ADAMTSL2: variants seen among roughly 807,000 people sequenced by gnomAD.
The protein encoded by ADAMTSL2 is ADAMTS-like protein 2.
In ADAMTSL2, 55 loss-of-function variants were observed where a neutral mutation model predicts 117.0. The ratio of observed to expected loss-of-function variants is 0.47; its 90% confidence interval spans 0.38 to 0.59. The LOEUF (loss-of-function observed/expected upper bound fraction) is 0.59, where lower values mean the gene tolerates loss of function less well. ADAMTSL2 is among the 20% of genes least tolerant of loss of function. The pLI is 0.00. For synonymous variants in ADAMTSL2, 572 were observed against 566.4 expected (o/e 1.01, Z -0.14); for missense variants, 1,182 against 1,354.5 (o/e 0.87, Z 2.00).
Position 133,574,902 on chromosome 9 carries a change from C to G in ADAMTSL2, c.*38C>G. 1 of 1,545,314 alleles carries G rather than the reference C, an allele frequency of 6.5e-7. No homozygotes were observed. Among genetic ancestry groups the G allele is most frequent in the South Asian group, 1.1e-5 (1 of 89,788 alleles). On this transcript the variant is annotated 3_prime_UTR_variant, in exon 19 of 19. Coordinates refer to ENST00000651351, the MANE Select transcript of ADAMTSL2 (RefSeq NM_014694.4). The stretch of plus-strand genomic sequence containing the variant: ...CAGCCCCTTCCAGATGAAGACCAAG[C>G]GCCCCTCCTGGGGCTGCTGCAGCTT...
At chr9:133,534,550 C>G, upstream of ADAMTSL2, 1 of 896,466 alleles carries the variant, frequency 1.1e-6, no homozygotes, top group South Asian at 5.8e-5. Context: ...CAACAGGCAG[C>G]TGGGCCGGCC....
intron 9 of ADAMTSL2, among the ~76,000 whole-genome samples, chr9:133,548,492 G>T (rs1297824448): frequency 6.6e-6 from 1 of 152,148 alleles, no homozygotes; most frequent in African/African-American, 2.4e-5. Flanking sequence ...AGACTCTGAG[G>T]TGGGGGTTTG....
In ADAMTSL2 at chr9:133,558,052, CG is replaced by C. The variant is rs1328852637; in HGVS notation, c.1649+2123del. Among the ~76,000 whole-genome samples, 10 of 152,250 alleles carry C rather than the reference CG, an allele frequency of 6.6e-5. No individual in the cohort carries two copies. The highest frequency in any genetic ancestry group is 2.4e-4 in the African/African-American group (10 of 41,536). ...GGCACAAGCTTACGGATCCTCAAGCCGCTTTGTAAAGAGTCTCTCCTGCCCC... is the reference window on the plus strand; with the variant it reads ...GGCACAAGCTTACGGATCCTCAAGCCCTTTGTAAAGAGTCTCTCCTGCCCC... On this transcript the variant is annotated intron_variant, in intron 11 of 18. Coordinates refer to ENST00000651351, the MANE Select transcript of ADAMTSL2 (RefSeq NM_014694.4). The surrounding 1 kb of genome is among the most constrained non-coding windows in gnomAD (Gnocchi z 4.3).
chr9:133,574,647 C>T (rs1831185557), intron 18 of ADAMTSL2, 99 bp from the exon 19 acceptor site: 3 of 971,020 alleles, frequency 3.1e-6, no homozygotes, highest in Non-Finnish European at 5.1e-6. Flanking sequence ...GGGTGGGAGG[C>T]CCACTGCCCC....
intron 4 of ADAMTSL2, 85 bp from the exon 5 acceptor site, chr9:133,539,686 G>GTCCCGGCTGTCCCGGCTGACCCGT: frequency 1.5e-6 from 2 of 1,305,782 alleles, no homozygotes; most frequent in Non-Finnish European, 1.1e-6. Flanking sequence ...TGTCCCGGCT[G>GTCCCGGCTGTCCCGGCTGACCCGT]CAGCCACTTC....
intron 12 of ADAMTSL2, among the ~76,000 whole-genome samples, chr9:133,562,753 G>A (rs1331315010): frequency 3.2e-5 from 4 of 126,444 alleles, no homozygotes; most frequent in Admixed American, 1.5e-4. Flanking sequence ...GGTGGGCACC[G>A]GCTTGGCCAG....
chr9:133,555,297 G>T (rs939707044), intron 10 of ADAMTSL2, among the ~76,000 whole-genome samples: 2 of 136,958 alleles, frequency 1.5e-5, no homozygotes, highest in Non-Finnish European at 3.1e-5. Flanking sequence ...GGTTCCGGGG[G>T]GGGCCATGAA....
chr9:133,538,981 G>A (rs1406474442), intron 4 of ADAMTSL2, among the ~76,000 whole-genome samples: 1 of 152,250 alleles, frequency 6.6e-6, no homozygotes, highest in African/African-American at 2.4e-5. Flanking sequence ...TGCAGGGCGT[G>A]AGGCTGGGGC....
Position 133,540,626 on chromosome 9 carries a change from G to A in ADAMTSL2, c.441G>A (p.Pro147=), listed in dbSNP as rs372783597. The part of the protein sequence containing the change: ...PDDYVHISSK[P]CDLHCTTVDG... ...ACTATGTCCACATCTCCAGCAAACC[G>A]TGTGACCTGCACTGTACCACCGTGG... Residue 147 remains proline, a synonymous_variant, in exon 6 of 19, where the codon CCG becomes CCA. Coordinates refer to ENST00000651351, the MANE Select transcript of ADAMTSL2 (RefSeq NM_014694.4). 1.3e-4 allele frequency: 210 copies of A among 1,613,512 alleles called. 1 individual carries two copies. In the Middle Eastern group the frequency reaches 1.3e-3, roughly 10 times the overall value.
chr9:133,541,750 A>G (rs923625907), intron 7 of ADAMTSL2, among the ~76,000 whole-genome samples: 2 of 152,146 alleles, frequency 1.3e-5, no homozygotes, highest in Non-Finnish European at 2.9e-5. Context: ...CTTGGGCAGC[A>G]CCTGTCCCCT....
intron 12 of ADAMTSL2, among the ~76,000 whole-genome samples, chr9:133,562,917 G>A (rs1353832821): frequency 1.7e-5 from 2 of 119,412 alleles, no homozygotes; most frequent in Admixed American, 1.5e-4. Context: ...GCTGTGGGCG[G>A]CGTGGTGGGC....
At chr9:133,553,637 C>G (rs989091392) in intron 9 of ADAMTSL2, among the ~76,000 whole-genome samples, 3 of 152,198 alleles carry the variant, frequency 2.0e-5, no homozygotes, top group Admixed American at 2.0e-4. Context: ...GGCATTTCTA[C>G]GTGGGCCCTC....
chr9:133,539,814 T>C lies in ADAMTSL2; in HGVS notation c.353T>C (p.Val118Ala), dbSNP rs368326294. ...DGRSFREEQC[V>A]SFNSHVYNGR... ...AGGAGCTTCCGCGAGGAGCAGTGCG[T>C]CTCCTTCAACTCCCACGTGTACAAC... is the stretch of plus-strand genomic sequence containing the variant. Residue 118 changes from valine (V) to alanine (A), a missense_variant, in exon 5 of 19, where the codon GTC (valine) becomes GCC (alanine). Around this residue, in one of 3 missense-constraint regions of ADAMTSL2, gnomAD observed 372 missense variants for 463.4 expected, o/e 0.80. Coordinates refer to ENST00000651351, the MANE Select transcript of ADAMTSL2 (RefSeq NM_014694.4). 9.0e-6 allele frequency: 14 copies of C among 1,551,060 alleles called. No homozygotes were observed. The African/African-American group carries it at 1.6e-4, about 18-fold the overall frequency.
Position 133,569,524 on chromosome 9 carries a change from C to A in ADAMTSL2, c.2361C>A (p.His787Gln). ...CQMETKPLAI[H>Q]PCGDKNCPAH... ...TGGAGACCAAGCCTCTGGCCATCCA[C>A]CCCTGTGGGGACAAAAACTGTCCCG... The change falls in exon 16 of 19, where the codon CAC becomes CAA. Residue 787 changes from histidine (H) to glutamine (Q), a missense_variant. By Grantham distance (24) the His-to-Gln change is conservative (BLOSUM62 0). This residue lies in a region of ADAMTSL2 where 465 missense variants were observed against 565.3 expected (regional missense o/e 0.82). Transcript: ENST00000651351. The A allele has an allele frequency of 6.8e-6, 11 of 1,607,878 alleles. No individual in the cohort carries two copies. Among genetic ancestry groups the A allele is most frequent in the Non-Finnish European group, 9.3e-6 (11 of 1,177,150 alleles).
intron 9 of ADAMTSL2, among the ~76,000 whole-genome samples, chr9:133,548,700 T>TG (rs971139877): frequency 1.9e-4 from 29 of 152,014 alleles, no homozygotes. Context: ...TTGCCCCTTG[T>TG]GGGGGGCATG....
chr9:133,561,147 C>T (rs1194796699), intron 11 of ADAMTSL2, 51 bp from the exon 12 acceptor site: 27 of 1,487,836 alleles, frequency 1.8e-5, no homozygotes, highest in Admixed American at 9.6e-5. Context: ...CGGAGCCTGC[C>T]GGTGGGGCCT....
intron 7 of ADAMTSL2, among the ~76,000 whole-genome samples, chr9:133,543,547 T>C (rs11522320): frequency 0.5 from 75,561 of 152,084 alleles, 19,512 homozygotes; most frequent in Non-Finnish European, 0.54. Flanking sequence ...CACGGCTGTC[T>C]GTGAGGGACA....
At position 133,537,520 on chromosome 9, in the gene ADAMTSL2, C is replaced by T; in HGVS notation, c.206C>T (p.Ser69Phe). The T allele has an allele frequency of 7.4e-7, 1 of 1,349,636 alleles. No homozygotes were observed. The highest frequency in any genetic ancestry group is 9.6e-7 in the Non-Finnish European group (1 of 1,041,708). The allele number at this position is 1,349,636 out of a possible 1,614,324, so 83.6% of individuals were successfully genotyped here. ...CGCAGTTGCGGGGGTGGGGTGACAT[C>T]CCAGGAGCGGCACTGCCTGCAGCAG... The part of the protein sequence containing the change: ...CSRSCGGGVT[S>F]QERHCLQQRR... The change falls in exon 3 of 19, where the codon TCC (serine) becomes TTC (phenylalanine). Residue 69 changes from serine to phenylalanine, a missense_variant. By Grantham distance (155) the Ser-to-Phe change is radical. Coordinates refer to ENST00000651351, the MANE Select transcript of ADAMTSL2 (RefSeq NM_014694.4).
At chr9:133,570,854 G>A (rs1266227165) in intron 17 of ADAMTSL2, among the ~76,000 whole-genome samples, 4 of 152,334 alleles carry the variant, frequency 2.6e-5, no homozygotes, top group East Asian at 1.9e-4. Context: ...GTGGGCGGGG[G>A]GAGCAGATTG....
Sources: gnomAD v4.1 joint callset for allele counts (sites outside exome capture counted in the v4.1 genomes callset) on GRCh38, gnomAD v4.1.1 for gene constraint, gnomAD v4.1.1 regional missense constraint, Gnocchi (gnomAD v3.1) non-coding constraint, MANE v1.5 for transcripts, NCBI Gene and HGNC (gene_info 2026-07-23, HGNC 2026-07-21) for gene names.